Variants in NXPE2 observed in about 807,000 individuals in gnomAD.
NXPE2 encodes the protein neurexophilin and PC-esterase domain family member 2, also known as NXPE family member 2.
In NXPE2, 34 loss-of-function variants were observed where a neutral mutation model predicts 34.4. That is an observed-to-expected ratio of 0.99 (90% CI 0.75 to 1.31). The LOEUF (loss-of-function observed/expected upper bound fraction) is 1.31. Among genes scored for constraint, NXPE2 ranks in the 40% most tolerant of loss-of-function variants. NXPE2 has a pLI of 0.00. For synonymous variants in NXPE2, 235 were observed against 231.3 expected (o/e 1.02, Z -0.15); for missense variants, 649 against 672.5 (o/e 0.97, Z 0.39).
At chr11:114,571,381 A>G in the NXPE2 span, 809,617 of 1,613,528 alleles carry the variant, frequency 0.5, 209,998 homozygotes, top group African/African-American at 0.85. Flanking sequence ...GGATAACAAT[A>G]TTTTTGCCAC....
chr11:114,725,976 A>AAAAAATATATATATAT, the NXPE2 span, among the ~76,000 whole-genome samples: 278 of 101,690 alleles, frequency 2.7e-3, 1 homozygote, highest in African/African-American at 9.1e-3. Context: ...ATAAAAAAAA[A>AAAAAATATATATATAT]ATATATATAT....
chr11:114,632,919 A>G, the NXPE2 span, among the ~76,000 whole-genome samples: 14 of 92,738 alleles, frequency 1.5e-4, no homozygotes, highest in East Asian at 3.0e-3. Context: ...ATTATATTTT[A>G]TATAATTATA....
In NXPE2 at chr11:114,698,612, A is replaced by T; in HGVS notation, c.700A>T (p.Thr234Ser). ...SSNVFTECGL[T>S]LNTNAELCQY... is the part of the protein sequence containing the mutation. ...CAATGTCTTCACTGAATGTGGCCTG[A>T]CCCTAAACACAAATGCTGAACTGTG... Residue 234 changes from threonine (T) to serine (S), a missense_variant, in exon 3 of 6, where the codon ACC becomes TCC. Transcript: ENST00000389586. 6.2e-7 allele frequency: 1 copy of T among 1,614,178 alleles called. No homozygotes were observed. The highest frequency in any genetic ancestry group is 8.5e-7 in the Non-Finnish European group (1 of 1,180,014).
At chr11:114,607,624 G>A in the NXPE2 span, among the ~76,000 whole-genome samples, 1 of 151,600 alleles carries the variant, frequency 6.6e-6, no homozygotes, top group Admixed American at 6.6e-5. Context: ...GTTACCCGGT[G>A]GATAAGTGTT....
chr11:114,543,584 C>T, the NXPE2 span, among the ~76,000 whole-genome samples: 1 of 151,306 alleles, frequency 6.6e-6, no homozygotes, highest in South Asian at 2.1e-4. Flanking sequence ...ACATAAGAGA[C>T]ATACTTATGG....
At chr11:114,732,159 G>T in the NXPE2 span, among the ~76,000 whole-genome samples, 1 of 152,122 alleles carries the variant, frequency 6.6e-6, no homozygotes, top group Non-Finnish European at 1.5e-5. Flanking sequence ...ATTATTAAAT[G>T]CATTTTGACA....
the NXPE2 span, among the ~76,000 whole-genome samples, chr11:114,535,446 G>A: frequency 6.6e-6 from 1 of 152,136 alleles, no homozygotes; most frequent in East Asian, 1.9e-4. Flanking sequence ...AACCATAAAT[G>A]TAAATGCGCT....
At chr11:114,585,845 C>T in the NXPE2 span, among the ~76,000 whole-genome samples, 10 of 152,092 alleles carry the variant, frequency 6.6e-5, no homozygotes, top group East Asian at 1.9e-4. Flanking sequence ...TGAATGCTGG[C>T]GGCTGTGTCA....
At chr11:114,801,790 A>G in the NXPE2 span, among the ~76,000 whole-genome samples, 1 of 152,170 alleles carries the variant, frequency 6.6e-6, no homozygotes, top group African/African-American at 2.4e-5. Context: ...GGACTGAACC[A>G]TGAAATATGC....
chr11:114,561,835 C>T, the NXPE2 span, among the ~76,000 whole-genome samples: 1 of 152,092 alleles, frequency 6.6e-6, no homozygotes, highest in Non-Finnish European at 1.5e-5. Context: ...ACTTTTCTTT[C>T]ATAATTTTGA....
the NXPE2 span, among the ~76,000 whole-genome samples, chr11:114,624,255 G>C: frequency 1.3e-5 from 2 of 148,890 alleles, no homozygotes; most frequent in African/African-American, 4.9e-5. Context: ...ACTGTGACCC[G>C]GTGGATAATA....
chr11:114,580,398 T>C, the NXPE2 span: 1 of 1,449,184 alleles, frequency 6.9e-7, no homozygotes, highest in Non-Finnish European at 9.7e-7. Context: ...TCAGTATGTA[T>C]TAAGAGCCTT....
At chr11:114,765,253 T>A in the NXPE2 span, among the ~76,000 whole-genome samples, 1 of 121,950 alleles carries the variant, frequency 8.2e-6, no homozygotes, top group East Asian at 2.6e-4. Context: ...AATACAGACA[T>A]ACTTTTTTTA....
the NXPE2 span, among the ~76,000 whole-genome samples, chr11:114,521,084 C>T: frequency 2.6e-5 from 4 of 152,142 alleles, no homozygotes; most frequent in African/African-American, 7.2e-5. Context: ...CTAATTCTGT[C>T]GTTCTTTCTG....
the NXPE2 span, among the ~76,000 whole-genome samples, chr11:114,799,225 G>GTGATAATTAAT: frequency 2.1e-5 from 3 of 144,890 alleles, no homozygotes; most frequent in Non-Finnish European, 3.0e-5. Flanking sequence ...TTGGGTATTT[G>GTGATAATTAAT]TGATAATTAA....
the NXPE2 span, among the ~76,000 whole-genome samples, chr11:114,762,169 A>G: frequency 1.3e-5 from 2 of 152,144 alleles, no homozygotes; most frequent in East Asian, 3.9e-4. Flanking sequence ...GAAGATGAGC[A>G]GGTGCTTTCC....
At chr11:114,681,993 T>C (rs182614124) in intron 2 of NXPE2, among the ~76,000 whole-genome samples, 216 of 152,322 alleles carry the variant, frequency 1.4e-3, no homozygotes, top group Non-Finnish European at 2.5e-3. Flanking sequence ...TCACAGGTCA[T>C]TGTAAAATAA....
chr11:114,536,146 C>T, the NXPE2 span, among the ~76,000 whole-genome samples: 1 of 152,142 alleles, frequency 6.6e-6, no homozygotes, highest in African/African-American at 2.4e-5. Context: ...AACCCCTCAA[C>T]TACATGGAAA....
the NXPE2 span, among the ~76,000 whole-genome samples, chr11:114,619,466 G>A: frequency 6.7e-6 from 1 of 149,414 alleles, no homozygotes; most frequent in Non-Finnish European, 1.5e-5. Context: ...TGCCTCGTGG[G>A]TAACCACTGT....
Sources: allele counts gnomAD v4.1 joint callset (sites outside exome capture counted in the v4.1 genomes callset), GRCh38; gene constraint gnomAD v4.1.1; transcripts MANE v1.5; gene names NCBI Gene and HGNC (gene_info 2026-07-23, HGNC 2026-07-21).